CDYL: variants seen among roughly 807,000 people sequenced by gnomAD.
CDYL encodes the protein chromodomain Y-like protein.
In CDYL, 8 loss-of-function variants were observed where a neutral mutation model predicts 47.3. The ratio of observed to expected loss-of-function variants is 0.17; its 90% CI spans 0.10 to 0.31. The LOEUF (loss-of-function observed/expected upper bound fraction) is 0.31. CDYL is among the 10% of genes least tolerant of loss of function. The probability of loss-of-function intolerance (pLI) is 1.00; values close to 1 mark genes in which losing one functional copy is unlikely to be tolerated. For synonymous variants in CDYL, 266 were observed against 265.0 expected, an observed-to-expected ratio of 1.00 and a Z score of -0.04; for missense variants, 471 against 701.4, an observed-to-expected ratio of 0.67 and a Z score of 3.71.
At chr6:4,711,868 C>T (rs994808658) in intron 1 of CDYL, among the ~76,000 whole-genome samples, 1 of 152,098 alleles carries the variant, frequency 6.6e-6, no homozygotes, top group Non-Finnish European at 1.5e-5. Context: ...AGTTTGAAAC[C>T]AGGCTGGCCA....
At chr6:4,833,023 G>A (rs1760192984) in intron 1 of CDYL, among the ~76,000 whole-genome samples, 1 of 150,150 alleles carries the variant, frequency 6.7e-6, no homozygotes, top group South Asian at 2.1e-4. Flanking sequence ...CAAAAAACCA[G>A]CTCCTGGATT....
At chr6:4,935,903 A>G (rs1758178230) in intron 3 of CDYL, 132 bp downstream of exon 3, 1 of 1,394,030 alleles carries the variant, frequency 7.2e-7, no homozygotes, top group Admixed American at 2.2e-5. Context: ...TGCCCACCAG[A>G]AGGGAGGGAG....
chr6:4,887,173 TC>T (rs1453584784), intron 1 of CDYL, among the ~76,000 whole-genome samples: 1 of 152,210 alleles, frequency 6.6e-6, no homozygotes, highest in Non-Finnish European at 1.5e-5. Flanking sequence ...TTTGGGCTGT[TC>T]TCAATTGTTC....
chr6:4,773,562 G>A (rs1412734824), upstream of CDYL, among the ~76,000 whole-genome samples: 3 of 152,172 alleles, frequency 2.0e-5, no homozygotes, highest in Admixed American at 6.5e-5. The surrounding 1 kb of genome is among the most constrained non-coding windows in gnomAD (Gnocchi z 4.6). Context: ...CAAATTGAAC[G>A]AATGAGGTTA....
At chr6:4,720,361 C>T (rs528821086) in intron 2 of CDYL, among the ~76,000 whole-genome samples, 26 of 152,276 alleles carry the variant, frequency 1.7e-4, no homozygotes, top group Non-Finnish European at 3.2e-4. Flanking sequence ...TAGTGCATTT[C>T]CGTTGTGAAA....
chr6:4,813,569 T>G (rs1369528875), intron 1 of CDYL, among the ~76,000 whole-genome samples: 1 of 152,232 alleles, frequency 6.6e-6, no homozygotes, highest in Admixed American at 6.5e-5. Context: ...TGCTAAATTA[T>G]GTGTTTAGGA....
At chr6:4,873,840 G>C (rs540402727) in intron 1 of CDYL, among the ~76,000 whole-genome samples, 1 of 152,276 alleles carries the variant, frequency 6.6e-6, no homozygotes, top group East Asian at 1.9e-4. Flanking sequence ...CATCGCACAG[G>C]GGACACCTTC....
intron 1 of CDYL, among the ~76,000 whole-genome samples, chr6:4,887,476 C>G (rs924629039): frequency 6.6e-6 from 1 of 151,860 alleles, no homozygotes; most frequent in Admixed American, 6.6e-5. Flanking sequence ...TTGGTTTGAT[C>G]ATTGCTACTG....
chr6:4,892,560 C>T (rs2127485127), intron 2 of CDYL, among the ~76,000 whole-genome samples, 181 bp downstream of exon 2: 1 of 150,658 alleles, frequency 6.6e-6, no homozygotes, highest in South Asian at 2.1e-4. Flanking sequence ...CTTAATTCGG[C>T]AACTAGTTTT....
chr6:4,897,790 G>GTTTTGTGTTT (rs75519192), intron 2 of CDYL, among the ~76,000 whole-genome samples: 1 of 140,220 alleles, frequency 7.1e-6, no homozygotes, highest in Non-Finnish European at 1.5e-5. Flanking sequence ...GAAGGTTTTT[G>GTTTTGTGTTT]TTTTTTTTTT....
intron 3 of CDYL, among the ~76,000 whole-genome samples, chr6:4,765,568 G>GTT (rs35200907): frequency 2.8e-5 from 4 of 143,498 alleles, no homozygotes; most frequent in Non-Finnish European, 4.6e-5. Context: ...TTTGTTTCCC[G>GTT]TTTTTTTTTT....
chr6:4,939,286 G>A (rs974353648), intron 4 of CDYL, among the ~76,000 whole-genome samples: 7 of 151,958 alleles, frequency 4.6e-5, no homozygotes, highest in South Asian at 2.1e-4. Context: ...GTGGGTAGGG[G>A]GGCTCTTTTT....
intron 1 of CDYL, among the ~76,000 whole-genome samples, chr6:4,807,714 C>T (rs1172547049): frequency 3.4e-5 from 5 of 148,724 alleles, no homozygotes; most frequent in Admixed American, 6.9e-5. Context: ...GGCAATCCTC[C>T]TGCCTCAGCC....
chr6:4,777,152 G>A (rs1581159633), intron 1 of CDYL, among the ~76,000 whole-genome samples: 1 of 147,122 alleles, frequency 6.8e-6, no homozygotes, highest in Non-Finnish European at 1.5e-5. Flanking sequence ...GACCGTGGGC[G>A]GTACGGGGGG....
intron 5 of CDYL, among the ~76,000 whole-genome samples, chr6:4,950,935 A>G (rs1758683697): frequency 6.6e-6 from 1 of 151,070 alleles, no homozygotes. Flanking sequence ...CCGTCTCAAA[A>G]AAAAAAAAAA....
intron 2 of CDYL, among the ~76,000 whole-genome samples, chr6:4,922,283 AC>A (rs1757739972): frequency 6.6e-6 from 1 of 152,140 alleles, no homozygotes; most frequent in Admixed American, 6.5e-5. Context: ...TCCTGTGACC[AC>A]CTTGCTCTGA....
chr6:4,809,559 ATTTTGTATAGTAGGGGTATTATATTAGT>A lies in CDYL; in HGVS notation c.24+32753_24+32780del, dbSNP rs1561648110. On this transcript the variant is annotated intron_variant, in intron 1 of 6. Coordinates refer to ENST00000397588, the MANE Select transcript of CDYL (RefSeq NM_004824.4). ...GGGTATTATATTAGTCCTTGGTGAT[ATTTTGTATAGTAGGGGTATTATATTAGT>A]CCTTGGTGATCCTTTGTATGGTAGG... 2.2e-3 allele frequency among the ~76,000 whole-genome samples: 339 copies of A among 151,288 alleles called. 6 individuals are homozygous for A. Among genetic ancestry groups the A allele is most frequent in the African/African-American group, 7.8e-3 (319 of 40,956 alleles).
intron 1 of CDYL, among the ~76,000 whole-genome samples, chr6:4,783,417 C>A (rs1022591554): frequency 5.5e-4 from 76 of 137,438 alleles, no homozygotes; most frequent in African/African-American, 1.9e-3. Context: ...ATTCTTGAGA[C>A]TTTTTTTTTT....
intron 1 of CDYL, among the ~76,000 whole-genome samples, chr6:4,785,036 G>A (rs1489117659): frequency 1.3e-5 from 2 of 152,074 alleles, no homozygotes; most frequent in Non-Finnish European, 2.9e-5. Context: ...TAAATTACCC[G>A]GTCTCGGGTA....
Sources: gnomAD v4.1 joint callset for allele counts (sites outside exome capture counted in the v4.1 genomes callset) on GRCh38, gnomAD v4.1.1 for gene constraint, Gnocchi (gnomAD v3.1) non-coding constraint, MANE v1.5 for transcripts, NCBI Gene and HGNC (gene_info 2026-07-23, HGNC 2026-07-21) for gene names.